The following INPP4B variants were observed in gnomAD, a reference collection of about 807,000 sequenced individuals.
The protein encoded by INPP4B is inositol polyphosphate-4-phosphatase type II B.
Under a neutral mutation model 122.5 loss-of-function variants are expected in INPP4B, and 55 were observed. The observed-to-expected ratio is 0.45, with a 90% CI of 0.36 to 0.56. INPP4B has a LOEUF of 0.56. Among genes scored for constraint, INPP4B ranks in the 20% least tolerant of loss-of-function variants. The probability of loss-of-function intolerance (pLI) is 0.00; values close to 1 mark genes in which losing one functional copy is unlikely to be tolerated. For synonymous variants in INPP4B, 403 were observed against 388.7 expected (o/e 1.04, Z -0.43); for missense variants, 1,000 against 1,097.7 (o/e 0.91, Z 1.26).
intron 1 of INPP4B, among the ~76,000 whole-genome samples, chr4:142,769,365 G>A (rs1772666607): frequency 6.6e-6 from 1 of 152,120 alleles, no homozygotes; most frequent in Non-Finnish European, 1.5e-5. Context: ...AAGGCACTTT[G>A]CAGGATTTTT....
chr4:142,659,768 A>C (rs1021970367), intron 2 of INPP4B, among the ~76,000 whole-genome samples: 3 of 152,172 alleles, frequency 2.0e-5, no homozygotes, highest in Non-Finnish European at 4.4e-5. Context: ...TAACTATAGC[A>C]AACACTCATC....
chr4:142,080,428 C>T (rs1773313967), intron 25 of INPP4B, among the ~76,000 whole-genome samples: 1 of 152,000 alleles, frequency 6.6e-6, no homozygotes, highest in Non-Finnish European at 1.5e-5. Flanking sequence ...ACAGACAAAA[C>T]CAAAAGAAGA....
At chr4:142,122,789 T>C (rs1797102297) in intron 20 of INPP4B, among the ~76,000 whole-genome samples, 1 of 152,102 alleles carries the variant, frequency 6.6e-6, no homozygotes, top group Non-Finnish European at 1.5e-5. Context: ...AATAATATAT[T>C]TTACTTAATC....
intron 23 of INPP4B, among the ~76,000 whole-genome samples, chr4:142,102,915 TAA>T (rs1338772734): frequency 6.6e-6 from 1 of 152,070 alleles, no homozygotes; most frequent in Non-Finnish European, 1.5e-5. Flanking sequence ...CTTGGAAAAA[TAA>T]AGACTCAAGA....
intron 1 of INPP4B, among the ~76,000 whole-genome samples, chr4:142,781,014 A>G (rs1205425772): frequency 6.6e-6 from 1 of 152,144 alleles, no homozygotes; most frequent in Admixed American, 6.6e-5. Flanking sequence ...CATAATACTC[A>G]CTGAATTTGT....
chr4:142,431,771 A>G (rs550766354), intron 3 of INPP4B, among the ~76,000 whole-genome samples: 31 of 152,208 alleles, frequency 2.0e-4, no homozygotes, highest in Non-Finnish European at 3.8e-4. Context: ...CGTTCTTTCC[A>G]TTAGAATTGC....
chr4:142,413,607 G>T (rs1805064805), intron 5 of INPP4B, among the ~76,000 whole-genome samples: 1 of 152,106 alleles, frequency 6.6e-6, no homozygotes, highest in African/African-American at 2.4e-5. Context: ...TTTGCTAAAT[G>T]CTTAATATGT....
chr4:142,538,712 T>C (rs1186149616), intron 2 of INPP4B, among the ~76,000 whole-genome samples: 2 of 152,098 alleles, frequency 1.3e-5, no homozygotes, highest in Non-Finnish European at 2.9e-5. Flanking sequence ...ATTTTGAATA[T>C]AAGTAGTGGG....
chr4:142,584,685 T>A (rs1735791165), intron 2 of INPP4B, among the ~76,000 whole-genome samples: 1 of 152,148 alleles, frequency 6.6e-6, no homozygotes, highest in Non-Finnish European at 1.5e-5. Context: ...ATCACCTGGA[T>A]AAGGCACTTT....
At chr4:142,115,441 C>A (rs915403993) in intron 21 of INPP4B, among the ~76,000 whole-genome samples, 6 of 152,108 alleles carry the variant, frequency 3.9e-5, no homozygotes, top group African/African-American at 1.2e-4. Context: ...AAGGGAAGCC[C>A]ATCAGACTAA....
intron 15 of INPP4B, among the ~76,000 whole-genome samples, chr4:142,181,737 A>C (rs1032287068): frequency 2.6e-5 from 4 of 152,144 alleles, no homozygotes; most frequent in African/African-American, 9.7e-5. Flanking sequence ...TATTGTGGCC[A>C]TATTCCTAAA....
intron 1 of INPP4B, among the ~76,000 whole-genome samples, chr4:142,755,889 A>T (rs79359639): frequency 6.6e-6 from 1 of 152,128 alleles, no homozygotes; most frequent in East Asian, 1.9e-4. Context: ...TCACCCAGAA[A>T]TTGTTCCCCA....
intron 7 of INPP4B, among the ~76,000 whole-genome samples, chr4:142,386,388 C>G (rs1795971353): frequency 6.6e-6 from 1 of 152,112 alleles, no homozygotes; most frequent in Non-Finnish European, 1.5e-5. Flanking sequence ...ATTTCAATTT[C>G]TTTGTACATA....
intron 15 of INPP4B, among the ~76,000 whole-genome samples, chr4:142,191,406 C>A (rs1201979981): frequency 1.3e-5 from 2 of 152,162 alleles, no homozygotes; most frequent in South Asian, 4.1e-4. Flanking sequence ...GCTCCTCCCC[C>A]ACTAGAAGAA....
chr4:142,049,301 G>A (rs1311825739), intron 25 of INPP4B, among the ~76,000 whole-genome samples: 1 of 151,886 alleles, frequency 6.6e-6, no homozygotes, highest in Non-Finnish European at 1.5e-5. Flanking sequence ...AAAGTTTGTT[G>A]GTTTTGTTCT....
chr4:142,225,538 G>GTA (rs1235314573), intron 12 of INPP4B, among the ~76,000 whole-genome samples: 4 of 148,448 alleles, frequency 2.7e-5, no homozygotes, highest in African/African-American at 9.8e-5. Context: ...ATATGTATAA[G>GTA]TATATATATA....
intron 25 of INPP4B, among the ~76,000 whole-genome samples, chr4:142,037,755 C>T (rs1234905371): frequency 6.6e-6 from 1 of 152,086 alleles, no homozygotes; most frequent in Non-Finnish European, 1.5e-5. Flanking sequence ...GTTTCAGGCC[C>T]TAGACTGTTG....
chr4:142,624,419 G>GT (rs1045986187), intron 2 of INPP4B, among the ~76,000 whole-genome samples: 3 of 151,534 alleles, frequency 2.0e-5, no homozygotes, highest in Non-Finnish European at 4.4e-5. Context: ...GGGGTTGTTT[G>GT]TTTTTTTCTT....
intron 3 of INPP4B, among the ~76,000 whole-genome samples, chr4:142,444,281 G>C (rs1812435889): frequency 6.6e-6 from 1 of 152,070 alleles, no homozygotes; most frequent in African/African-American, 2.4e-5. Context: ...CAAATGGATA[G>C]ATTGCAAAAA....
Sources: gnomAD v4.1 joint callset for allele counts (sites outside exome capture counted in the v4.1 genomes callset) on GRCh38, gnomAD v4.1.1 for gene constraint, MANE v1.5 for transcripts, NCBI Gene and HGNC (gene_info 2026-07-23, HGNC 2026-07-21) for gene names.